The following STAU1 variants were observed in gnomAD, a reference collection of about 807,000 sequenced individuals.
STAU1 encodes double-stranded RNA-binding protein Staufen homolog 1.
Under a neutral mutation model 62.9 loss-of-function variants are expected in STAU1, and 13 were observed. The ratio of observed to expected loss-of-function variants is 0.21; its 90% confidence interval spans 0.13 to 0.33. The LOEUF (loss-of-function observed/expected upper bound fraction) is 0.33. Among genes scored for constraint, STAU1 ranks in the 10% least tolerant of loss-of-function variants. The pLI is 1.00. For missense variants in STAU1, 571 were observed against 712.1 expected (o/e 0.80, Z 2.25); for synonymous variants, 269 against 265.1 (o/e 1.01, Z -0.14).
chr20:49,196,784 GAA>G, the STAU1 span, among the ~76,000 whole-genome samples: 68,125 of 145,146 alleles, frequency 0.47, 17,073 homozygotes, highest in Middle Eastern at 0.61. Context: ...AGGAAAAAAA[GAA>G]AAAAAAAAAA....
chr20:49,136,895 A>G (rs968558812), intron 5 of STAU1, among the ~76,000 whole-genome samples: 3 of 152,120 alleles, frequency 2.0e-5, no homozygotes, highest in Non-Finnish European at 4.4e-5. Flanking sequence ...ACGGGGTTTC[A>G]CCATGTTGGT....
chr20:49,138,146 G>A (rs910676966), intron 5 of STAU1, among the ~76,000 whole-genome samples: 1 of 152,022 alleles, frequency 6.6e-6, no homozygotes, highest in African/African-American at 2.4e-5. Context: ...TAGCAGGTGC[G>A]GTGTCGCACA....
chr20:49,157,487 T>A (rs529691063), intron 3 of STAU1, among the ~76,000 whole-genome samples: 2 of 151,896 alleles, frequency 1.3e-5, no homozygotes, highest in South Asian at 2.1e-4. Context: ...CTAATTTTTT[T>A]TTTTTATTTT....
Position 49,115,630 on chromosome 20 carries a change from T to G in STAU1, c.1718+152A>C, listed in dbSNP as rs907035246. 2.9e-5 allele frequency: 20 copies of G among 695,728 alleles called. No homozygotes were observed. The African/African-American group carries it at 3.4e-4, about 12-fold the overall frequency. 43.1% of individuals were successfully genotyped at this position (695,728 alleles called of 1,614,324 possible). On this transcript the variant is annotated intron_variant, in intron 13 of 13. Coordinates refer to ENST00000371856, the MANE Select transcript of STAU1 (RefSeq NM_017453.4). ...AATGTCTTTTAAAAGTAGAGCTTTCTGCCCAGAGAATCTGGAAAACTTTCA... is the reference window on the plus strand; with the variant it reads ...AATGTCTTTTAAAAGTAGAGCTTTCGGCCCAGAGAATCTGGAAAACTTTCA...
chr20:49,120,789 CTTTTTCT>C (rs1400391735), intron 8 of STAU1, among the ~76,000 whole-genome samples: 6 of 152,098 alleles, frequency 3.9e-5, no homozygotes, highest in African/African-American at 1.2e-4. Flanking sequence ...CATTGTTTCA[CTTTTTCT>C]TTTTTCTTTT....
intron 6 of STAU1, chr20:49,135,018 G>C: frequency 1.3e-6 from 2 of 1,595,626 alleles, no homozygotes; most frequent in South Asian, 1.1e-5. Flanking sequence ...GGACAGCGAA[G>C]GGAGCCCGGG....
At chr20:49,185,422 G>C (rs2093775148) in intron 1 of STAU1, among the ~76,000 whole-genome samples, 2 of 152,216 alleles carry the variant, frequency 1.3e-5, no homozygotes, top group Non-Finnish European at 2.9e-5. Flanking sequence ...TTGAGGAGCT[G>C]AAGGCATTGG....
At chr20:49,215,254 T>C in the STAU1 span, among the ~76,000 whole-genome samples, 1 of 152,192 alleles carries the variant, frequency 6.6e-6, no homozygotes, top group Non-Finnish European at 1.5e-5. Flanking sequence ...CTTTGGAATG[T>C]GGTCACCGTC....
chr20:49,198,082 C>A, the STAU1 span, among the ~76,000 whole-genome samples: 2 of 152,118 alleles, frequency 1.3e-5, no homozygotes, highest in Non-Finnish European at 2.9e-5. Flanking sequence ...TCTGTACAGA[C>A]ATTTTGCCAC....
At chr20:49,118,269 A>T in intron 10 of STAU1, 64 bp downstream of exon 10, 1 of 1,489,146 alleles carries the variant, frequency 6.7e-7, no homozygotes, top group Non-Finnish European at 9.3e-7. Flanking sequence ...TCCTGCTGTT[A>T]TTCAGGACCC....
At chr20:49,133,553 C>G (rs569788071) in intron 6 of STAU1, among the ~76,000 whole-genome samples, 1 of 152,338 alleles carries the variant, frequency 6.6e-6, no homozygotes, top group South Asian at 2.1e-4. Flanking sequence ...CTTTTTCCCA[C>G]TCAACTGTGA....
chr20:49,175,582 C>A (rs2093649566), intron 1 of STAU1, among the ~76,000 whole-genome samples: 1 of 151,794 alleles, frequency 6.6e-6, no homozygotes, highest in South Asian at 2.1e-4. Context: ...CGGGTTCAAG[C>A]AATTCTCCTG....
upstream of STAU1, among the ~76,000 whole-genome samples, chr20:49,190,552 C>T (rs574557394): frequency 1.3e-5 from 2 of 152,200 alleles, no homozygotes; most frequent in East Asian, 3.9e-4. Context: ...CTCAAGCAAT[C>T]CTCTTGCCTC....
Position 49,123,198 on chromosome 20 carries a change from G to A in STAU1, c.860C>T (p.Pro287Leu). The A allele has an allele frequency of 6.2e-7, 1 of 1,614,124 alleles. No individual in the cohort carries two copies. Among genetic ancestry groups the A allele is most frequent in the Non-Finnish European group, 8.5e-7 (1 of 1,180,018 alleles). Residue 287 changes from proline (P) to leucine (L), a missense_variant, in exon 8 of 14, where the codon CCG (proline) becomes CTG (leucine). Physicochemically the swap from Pro to Leu is moderately conservative, Grantham distance 98. Around this residue, in one of 3 missense-constraint regions of STAU1, gnomAD observed 414 missense variants for 499.6 expected, o/e 0.83. Coordinates refer to ENST00000371856, the MANE Select transcript of STAU1 (RefSeq NM_017453.4). ...TSPEYGQGIN[P>L]ISRLAQIQQA... ...CTGGATCTGGGCCAGTCGGCTAATC[G>A]GATTGATCCCCTGGCCATATTCTGG...
rs1046801056 is a variant in STAU1 at position 49,168,398 on chromosome 20, T to C, written c.-84-2113A>G. Among the ~76,000 whole-genome samples the C allele has an allele frequency of 3.3e-5, 5 of 152,160 alleles. No homozygotes were observed. In the East Asian group the frequency reaches 5.8e-4, roughly 18 times the overall value. ...ACTCTGCTCAAGTCAGTCATAAATA[T>C]GTAAGTTTTCTAGAAGCTGAGAAAG... is the stretch of plus-strand genomic sequence containing the variant. On this transcript the variant is annotated intron_variant, in intron 2 of 13. Coordinates refer to ENST00000371856, the MANE Select transcript of STAU1 (RefSeq NM_017453.4).
upstream of STAU1, among the ~76,000 whole-genome samples, chr20:49,189,352 T>G (rs1324429179): frequency 4.1e-5 from 6 of 147,436 alleles, no homozygotes; most frequent in Non-Finnish European, 7.5e-5. Context: ...TAAAGAATCT[T>G]GGCCAGGCGC....
chr20:49,153,925 A>AAC lies in STAU1; in HGVS notation c.344+7_344+8insGT. On this transcript the variant is annotated splice_region_variant and intron_variant, in intron 4 of 13. Transcript: ENST00000371856. ...ATTTTACAAAAAAAAAAAAAAAAAAACACATACCTCGGGGGATAAGCACCT... is the reference window on the plus strand; with the variant it reads ...ATTTTACAAAAAAAAAAAAAAAAAAAACCACATACCTCGGGGGATAAGCACCT... 2 of 1,511,234 alleles carry AAC rather than the reference A, an allele frequency of 1.3e-6. No homozygotes were observed. Among genetic ancestry groups the AAC allele is most frequent in the Non-Finnish European group, 1.8e-6 (2 of 1,132,294 alleles). 93.6% of individuals were successfully genotyped at this position (1,511,234 alleles called of 1,614,324 possible).
rs142817108 is a variant in STAU1 at position 49,169,466 on chromosome 20, G to A, written c.-84-3181C>T. ...CTTCTGTGTAAATTCTAAACCTGTT[G>A]CTCAACAGTACTGTCCTGAAGACTA... On this transcript the variant is annotated intron_variant, in intron 2 of 13. Transcript: ENST00000371856. Among the ~76,000 whole-genome samples the A allele has an allele frequency of 2.0e-3, 310 of 152,254 alleles. 1 individual carries two copies. The highest frequency in any genetic ancestry group is 7.0e-3 in the African/African-American group (289 of 41,554).
chr20:49,137,716 A>G (rs2092918778), intron 5 of STAU1, among the ~76,000 whole-genome samples: 1 of 151,372 alleles, frequency 6.6e-6, no homozygotes, highest in South Asian at 2.1e-4. Flanking sequence ...CCCAGGCTGG[A>G]GTCCAATGGC....
Sources: gnomAD v4.1 joint callset for allele counts (sites outside exome capture counted in the v4.1 genomes callset) on GRCh38, gnomAD v4.1.1 for gene constraint, gnomAD v4.1.1 regional missense constraint, MANE v1.5 for transcripts, NCBI Gene and HGNC (gene_info 2026-07-23, HGNC 2026-07-21) for gene names.